Variants in ASAP2 observed in about 807,000 individuals in gnomAD.
The protein encoded by ASAP2 is arf-GAP with SH3 domain, ANK repeat and PH domain-containing protein 2.
In ASAP2, 45 loss-of-function variants were observed where a neutral mutation model predicts 131.4. That is an observed-to-expected ratio of 0.34 (90% CI 0.27 to 0.44). The LOEUF is 0.44. Among genes scored for constraint, ASAP2 ranks in the 20% least tolerant of loss-of-function variants. The pLI, the probability that ASAP2 is intolerant of heterozygous loss-of-function variation, is 1.00. For missense variants in ASAP2, 1,011 were observed against 1,297.0 expected (o/e 0.78, Z 3.39); for synonymous variants, 510 against 503.0 (o/e 1.01, Z -0.19).
chr2:9,253,235 C>T (rs1664849978), intron 1 of ASAP2, among the ~76,000 whole-genome samples: 1 of 152,114 alleles, frequency 6.6e-6, no homozygotes, highest in South Asian at 2.1e-4. Context: ...GCGATATTGG[C>T]TCACTGCAAC....
At chr2:9,403,166 C>G (rs753475002) in intron 27 of ASAP2, 87 bp from the exon 28 acceptor site, 36 of 1,155,028 alleles carry the variant, frequency 3.1e-5, no homozygotes, top group Non-Finnish European at 4.1e-5. Context: ...TCTTGCTTTT[C>G]TTCACCAAAC....
intron 20 of ASAP2, among the ~76,000 whole-genome samples, chr2:9,382,806 G>A (rs1361528337): frequency 2.0e-5 from 3 of 152,216 alleles, no homozygotes; most frequent in South Asian, 2.1e-4. Context: ...GTTCTCCCCC[G>A]ACCCCATACA....
At chr2:9,306,623 T>C (rs28575639) in intron 3 of ASAP2, among the ~76,000 whole-genome samples, 53,719 of 151,698 alleles carry the variant, frequency 0.35, 9,792 homozygotes, top group African/African-American at 0.42. Flanking sequence ...GCTGTGGAGA[T>C]CCTGTGCCCC....
rs147097723 is a variant in ASAP2 at position 9,284,438 on chromosome 2, A to G, written c.199+5049A>G. ...CCAATTCTGGGAGATGGTGTCATTT[A>G]GGATAAAGAAGACGTAGGTATTAGA... On this transcript the variant is annotated intron_variant, in intron 2 of 27. Transcript: ENST00000281419. Among the ~76,000 whole-genome samples, 157 of 152,328 alleles carry G rather than the reference A, an allele frequency of 1.0e-3. 1 individual carries two copies. Among genetic ancestry groups the G allele is most frequent in the African/African-American group, 3.2e-3 (135 of 41,576 alleles).
chr2:9,233,210 C>T (rs1264182995), intron 1 of ASAP2, among the ~76,000 whole-genome samples: 1 of 152,132 alleles, frequency 6.6e-6, no homozygotes, highest in Non-Finnish European at 1.5e-5. Flanking sequence ...GTCTGTGTGA[C>T]AATTATAATG....
chr2:9,239,862 G>A (rs772091111), intron 1 of ASAP2, among the ~76,000 whole-genome samples: 1 of 152,014 alleles, frequency 6.6e-6, no homozygotes, highest in Non-Finnish European at 1.5e-5. Flanking sequence ...GAGTAGCTTG[G>A]ACTCCAGGTG....
At chr2:9,269,158 T>G (rs1224469525) in intron 1 of ASAP2, among the ~76,000 whole-genome samples, 4 of 152,084 alleles carry the variant, frequency 2.6e-5, no homozygotes, top group African/African-American at 7.2e-5. Flanking sequence ...TATCTACAAA[T>G]TTTTTATTAA....
chr2:9,272,616 C>T (rs1266287620), intron 1 of ASAP2, among the ~76,000 whole-genome samples: 1 of 152,130 alleles, frequency 6.6e-6, no homozygotes, highest in Non-Finnish European at 1.5e-5. Flanking sequence ...TGGGGCATTA[C>T]TCAAGAATTC....
At chr2:9,384,645 G>A (rs374243385) in intron 20 of ASAP2, among the ~76,000 whole-genome samples, 10 of 152,344 alleles carry the variant, frequency 6.6e-5, no homozygotes, top group African/African-American at 2.4e-4. Flanking sequence ...TATTATAAAG[G>A]ATATTGCAAA....
Position 9,397,727 on chromosome 2 carries a change from G to GAGATATATATATATATATAT in ASAP2, c.2685-2295_2685-2294insGATATATATATATATATATA, listed in dbSNP as rs897153464. On this transcript the variant is annotated intron_variant, in intron 24 of 27. Coordinates refer to ENST00000281419, the MANE Select transcript of ASAP2 (RefSeq NM_003887.3). ...TTGGTTGGGAAAAAAAAATCAAAAG[G>GAGATATATATATATATATAT]ATATATATATATATATATATATATT... Among the ~76,000 whole-genome samples the GAGATATATATATATATATAT allele has an allele frequency of 1.7e-4, 14 of 83,520 alleles. 2 individuals carry two copies. The highest frequency in any genetic ancestry group is 1.1e-3 in the African/African-American group (14 of 12,984). 54.8% of individuals were successfully genotyped at this position (83,520 alleles called of 152,430 possible).
intron 1 of ASAP2, among the ~76,000 whole-genome samples, chr2:9,260,413 T>C (rs1215163471): frequency 7.3e-6 from 1 of 137,722 alleles, no homozygotes; most frequent in African/African-American, 2.9e-5. Context: ...ACTGCTTGGA[T>C]TGTAGAAAAA....
intron 3 of ASAP2, among the ~76,000 whole-genome samples, chr2:9,317,267 ACT>A (rs745954196): frequency 1.3e-5 from 2 of 149,370 alleles, no homozygotes; most frequent in South Asian, 2.1e-4. Context: ...CATCACACAC[ACT>A]CATATCCACA....
chr2:9,371,012 C>T (rs1183862250), intron 16 of ASAP2, among the ~76,000 whole-genome samples: 1 of 152,168 alleles, frequency 6.6e-6, no homozygotes, highest in Non-Finnish European at 1.5e-5. Context: ...TCGTTTCTTC[C>T]AAGCACCAGG....
chr2:9,215,596 A>G (rs902729477), intron 1 of ASAP2, among the ~76,000 whole-genome samples: 4 of 151,820 alleles, frequency 2.6e-5, no homozygotes, highest in Admixed American at 6.6e-5. Flanking sequence ...TTTTTTTCCA[A>G]TCCAAGTTTA....
At chr2:9,243,164 A>G (rs1205869914) in intron 1 of ASAP2, among the ~76,000 whole-genome samples, 1 of 152,174 alleles carries the variant, frequency 6.6e-6, no homozygotes, top group Non-Finnish European at 1.5e-5. Flanking sequence ...GCTGGAGTGC[A>G]GTGGCACAAC....
chr2:9,328,371 AG>A (rs1264924246), intron 7 of ASAP2, among the ~76,000 whole-genome samples: 6 of 152,242 alleles, frequency 3.9e-5, no homozygotes, highest in African/African-American at 1.4e-4. Flanking sequence ...TAAAAATAAA[AG>A]CATATATACA....
In ASAP2 at chr2:9,350,804, A is replaced by G. The variant is rs1425781022; in HGVS notation, c.1024-4A>G. ...CTTTTTTGTTGTTTTTTGCTTTTAA[A>G]CAGGCTAACCGGCCTCCTGCAAAGC... On this transcript the variant is annotated splice_region_variant and splice_polypyrimidine_tract_variant and intron_variant, in intron 11 of 27. Transcript: ENST00000281419. 23 of 1,611,624 alleles carry G rather than the reference A, an allele frequency of 1.4e-5. No individual in the cohort carries two copies. Among genetic ancestry groups the G allele is most frequent in the Non-Finnish European group, 1.9e-5 (22 of 1,178,842 alleles).
At chr2:9,254,228 AAAAAAAAAAT>A (rs1180164576) in intron 1 of ASAP2, among the ~76,000 whole-genome samples, 53 of 69,584 alleles carry the variant, frequency 7.6e-4, no homozygotes, top group Admixed American at 5.1e-3. Context: ...AAAAAAAAAA[AAAAAAAAAAT>A]ATATATATAT....
intron 20 of ASAP2, among the ~76,000 whole-genome samples, chr2:9,383,216 A>C (rs1382799049): frequency 6.6e-6 from 1 of 152,074 alleles, no homozygotes; most frequent in African/African-American, 2.4e-5. Context: ...TATGTTATCT[A>C]TAGGATCAAT....
Sources: allele counts gnomAD v4.1 joint callset (sites outside exome capture counted in the v4.1 genomes callset), GRCh38; gene constraint gnomAD v4.1.1; transcripts MANE v1.5; gene names NCBI Gene and HGNC (gene_info 2026-07-23, HGNC 2026-07-21).